Variants in NGEF observed in about 807,000 individuals in gnomAD.
The protein encoded by NGEF is neuronal guanine nucleotide exchange factor, also known as ephexin-1.
In NGEF, 31 loss-of-function variants were observed where a neutral mutation model predicts 80.9. The observed-to-expected ratio is 0.38, with a 90% CI of 0.29 to 0.52. The LOEUF is 0.52. Ranked by LOEUF, NGEF falls within the 20% of genes least tolerant of loss-of-function variation. The pLI, the probability that NGEF is intolerant of heterozygous loss-of-function variation, is 0.84. For synonymous variants in NGEF, 371 were observed against 370.2 expected (o/e 1.00, Z -0.03); for missense variants, 709 against 926.2 (o/e 0.77, Z 3.04).
chr2:232,888,342 A>C (rs1324495964), intron 8 of NGEF, among the ~76,000 whole-genome samples: 1 of 149,796 alleles, frequency 6.7e-6, no homozygotes, highest in Non-Finnish European at 1.5e-5. Context: ...CACATGATGC[A>C]CACCTGCAAG....
chr2:232,905,983 C>T (rs529487838), intron 5 of NGEF: 1 of 136,024 alleles, frequency 7.4e-6, no homozygotes, highest in Non-Finnish European at 1.5e-5. Context: ...AGTGAGGAGC[C>T]CCTCTGCCCG....
chr2:232,964,687 C>T (rs776963877), intron 3 of NGEF, among the ~76,000 whole-genome samples: 3 of 151,904 alleles, frequency 2.0e-5, no homozygotes, highest in Non-Finnish European at 2.9e-5. Context: ...GACTCTGTCT[C>T]AAAAATAAAA....
chr2:232,906,205 C>T (rs1437964410), intron 5 of NGEF, among the ~76,000 whole-genome samples: 2 of 26,482 alleles, frequency 7.6e-5, no homozygotes, highest in African/African-American at 1.5e-4. Context: ...CCGCCCCGTC[C>T]GGGAAGGAGG....
At chr2:232,954,213 G>T (rs66790432) in intron 3 of NGEF, among the ~76,000 whole-genome samples, 10,867 of 152,092 alleles carry the variant, frequency 0.071, 852 homozygotes, top group African/African-American at 0.2. Flanking sequence ...TCACACCCTT[G>T]ACTTAAAGGA....
intron 3 of NGEF, 139 bp downstream of exon 3, chr2:232,970,074 TA>T (rs200225539): frequency 0.12 from 49,640 of 402,700 alleles, 2,560 homozygotes; most frequent in African/African-American, 0.15. Context: ...TTTATTTATT[TA>T]TTTTTTTAGC....
chr2:232,952,899 C>T (rs960632243), intron 3 of NGEF, among the ~76,000 whole-genome samples: 1 of 131,322 alleles, frequency 7.6e-6, no homozygotes, highest in Non-Finnish European at 1.5e-5. Flanking sequence ...AACCCGGAGG[C>T]AGAGGTTGCA....
chr2:232,893,241 CTG>C (rs1233963426), intron 6 of NGEF, among the ~76,000 whole-genome samples, 191 bp from the exon 7 acceptor site: 1 of 152,244 alleles, frequency 6.6e-6, no homozygotes, highest in Non-Finnish European at 1.5e-5. Flanking sequence ...TGAAGAATGA[CTG>C]TGTTTTCACG....
intron 5 of NGEF, among the ~76,000 whole-genome samples, chr2:232,905,363 C>T (rs962586520): frequency 9.8e-5 from 15 of 152,344 alleles, no homozygotes; most frequent in Admixed American, 5.9e-4. Context: ...CTCGGCCTCC[C>T]GAGGTGCCAG....
chr2:232,882,301 A>G (rs1304535788), intron 12 of NGEF, 36 bp from the exon 13 acceptor site: 1 of 1,580,304 alleles, frequency 6.3e-7, no homozygotes, highest in African/African-American at 1.3e-5. Flanking sequence ...CCAACTGCAG[A>G]TCAACGGCAG....
At position 232,932,163 on chromosome 2, in the gene NGEF, C is replaced by CTTTTTTTTTTT. The variant is rs397988249; in HGVS notation, c.384-4988_384-4978dup. Among the ~76,000 whole-genome samples the CTTTTTTTTTTT allele has an allele frequency of 1.3e-4, 15 of 115,590 alleles. 1 individual carries two copies. Among genetic ancestry groups the CTTTTTTTTTTT allele is most frequent in the Non-Finnish European group, 2.0e-4 (12 of 58,832 alleles). 75.8% of individuals were successfully genotyped at this position (115,590 alleles called of 152,430 possible). Reference sequence around the variant, plus strand: ...ATGAGTTCTCTCCAGAATCACCTTTCTTTTTTTTTTTTTTTTTTTGAGACA... The same window carrying CTTTTTTTTTTT: ...ATGAGTTCTCTCCAGAATCACCTTTCTTTTTTTTTTTTTTTTTTTTTTTTTTTTTTGAGACA... On this transcript the variant is annotated intron_variant, in intron 3 of 14. Coordinates refer to ENST00000264051, the MANE Select transcript of NGEF (RefSeq NM_019850.3).
chr2:232,966,531 A>G (rs956208356), intron 3 of NGEF, among the ~76,000 whole-genome samples: 2 of 152,176 alleles, frequency 1.3e-5, no homozygotes, highest in South Asian at 4.1e-4. Flanking sequence ...GAGATTTCCA[A>G]GTAGATCCAT....
intron 3 of NGEF, chr2:232,927,881 G>A (rs1469179487): frequency 7.8e-7 from 1 of 1,280,140 alleles, no homozygotes; most frequent in Non-Finnish European, 9.8e-7. Context: ...CGGGACAGGC[G>A]CCCGTCCTCA....
intron 1 of NGEF, among the ~76,000 whole-genome samples, chr2:232,999,689 C>T (rs1194099242): frequency 6.6e-6 from 1 of 152,216 alleles, no homozygotes; most frequent in East Asian, 1.9e-4. Flanking sequence ...GTTCTGCCAC[C>T]CCAGCCAGAG....
At position 232,992,989 on chromosome 2, in the gene NGEF, G is replaced by GTATATA. The variant is rs142264252; in HGVS notation, c.-74-18031_-74-18026dup. ...GTGATAGAGCGAGACCCTGCCTGAA[G>GTATATA]TATATATATATATATACACACACAC... On this transcript the variant is annotated intron_variant, in intron 1 of 14. Coordinates refer to ENST00000264051, the MANE Select transcript of NGEF (RefSeq NM_019850.3). 3.1e-3 allele frequency among the ~76,000 whole-genome samples: 370 copies of GTATATA among 121,306 alleles called. 2 individuals carry two copies. The highest frequency in any genetic ancestry group is 5.0e-3 in the Admixed American group (55 of 10,892). The allele number at this position is 121,306 out of a possible 152,430, so 79.6% of individuals were successfully genotyped here.
intron 4 of NGEF, among the ~76,000 whole-genome samples, chr2:232,925,561 C>T (rs1693044600): frequency 6.6e-6 from 1 of 152,148 alleles, no homozygotes; most frequent in Non-Finnish European, 1.5e-5. Flanking sequence ...CGGACTTCTG[C>T]CACCAGCCCA....
chr2:232,960,493 G>T (rs375661747), intron 3 of NGEF, among the ~76,000 whole-genome samples: 3 of 152,126 alleles, frequency 2.0e-5, no homozygotes, highest in Non-Finnish European at 4.4e-5. Context: ...GCCTGGAAAG[G>T]GGAGGTCATG....
intron 3 of NGEF, among the ~76,000 whole-genome samples, chr2:232,964,475 T>C (rs186432430): frequency 2.6e-5 from 4 of 152,246 alleles, no homozygotes; most frequent in African/African-American, 9.6e-5. Context: ...GGCAGATGCC[T>C]TGAGGTCAGG....
chr2:232,896,541 G>GTGACGGTGGGTA, intron 5 of NGEF, among the ~76,000 whole-genome samples: 1 of 130,324 alleles, frequency 7.7e-6, no homozygotes, highest in South Asian at 3.0e-4. Flanking sequence ...GGGGGTGAGG[G>GTGACGGTGGGTA]TAGGGGTGAG....
chr2:233,009,358 A>G (rs1034343118), intron 1 of NGEF, among the ~76,000 whole-genome samples: 1 of 152,064 alleles, frequency 6.6e-6, no homozygotes, highest in African/African-American at 2.4e-5. Context: ...ACTCCTTTTT[A>G]TTGATCTATT....
Sources: gnomAD v4.1 joint callset for allele counts (sites outside exome capture counted in the v4.1 genomes callset) on GRCh38, gnomAD v4.1.1 for gene constraint, MANE v1.5 for transcripts, NCBI Gene and HGNC (gene_info 2026-07-23, HGNC 2026-07-21) for gene names.